The following PCDH7 variants were observed in gnomAD, a reference collection of about 807,000 sequenced individuals.
PCDH7 encodes protocadherin 7.
In PCDH7, 17 loss-of-function variants were observed where a neutral mutation model predicts 58.9. The observed-to-expected ratio is 0.29, with a 90% confidence interval of 0.20 to 0.43. The LOEUF is 0.43. Among genes scored for constraint, PCDH7 ranks in the 20% least tolerant of loss-of-function variants. PCDH7 has a pLI of 1.00. For missense variants in PCDH7, 1,274 were observed against 1,441.0 expected (o/e 0.88, Z 1.88); for synonymous variants, 664 against 616.4 (o/e 1.08, Z -1.14).
At chr4:31,096,523 G>T (rs982917433) in intron 3 of PCDH7, among the ~76,000 whole-genome samples, 1 of 152,142 alleles carries the variant, frequency 6.6e-6, no homozygotes, top group African/African-American at 2.4e-5. Flanking sequence ...TCTTTTTGTA[G>T]CATGTAATCA....
Position 30,979,162 on chromosome 4 carries a change from G to A in PCDH7, c.*7+28947G>A, listed in dbSNP as rs752945599. Among the ~76,000 whole-genome samples, 8 of 151,158 alleles carry A rather than the reference G, an allele frequency of 5.3e-5. 1 individual carries two copies. The highest frequency in any genetic ancestry group is 1.0e-4 in the Non-Finnish European group (7 of 67,746). ...TAACACAGTGAAACCCTGTCTCTAC[G>A]AAAAATATAAAAAATCAGCTGGGCG... On this transcript the variant is annotated intron_variant, in intron 3 of 3. Transcript: ENST00000509759.
intron 1 of PCDH7, among the ~76,000 whole-genome samples, chr4:30,866,713 G>C (rs1280108729): frequency 2.1e-5 from 3 of 145,610 alleles, no homozygotes; most frequent in African/African-American, 7.7e-5. Flanking sequence ...AAAAAAAAAA[G>C]TATTGTCCTT....
At chr4:30,903,170 A>G (rs1226267346) in intron 1 of PCDH7, among the ~76,000 whole-genome samples, 1 of 152,118 alleles carries the variant, frequency 6.6e-6, no homozygotes, top group Non-Finnish European at 1.5e-5. Context: ...AATATTATTT[A>G]GTGAATTTAT....
At chr4:30,894,596 CA>C (rs1739154918) in intron 1 of PCDH7, among the ~76,000 whole-genome samples, 1 of 124,144 alleles carries the variant, frequency 8.1e-6, no homozygotes, top group Non-Finnish European at 1.7e-5. Context: ...CACACACACA[CA>C]TATATATATA....
chr4:30,955,606 T>C (rs1432765554), intron 3 of PCDH7, among the ~76,000 whole-genome samples: 1 of 151,854 alleles, frequency 6.6e-6, no homozygotes, highest in Non-Finnish European at 1.5e-5. Flanking sequence ...CAGTGAGCAG[T>C]GGCGCAATCT....
At chr4:31,018,501 C>A (rs1753787251) in intron 3 of PCDH7, among the ~76,000 whole-genome samples, 1 of 152,170 alleles carries the variant, frequency 6.6e-6, no homozygotes, top group African/African-American at 2.4e-5. Context: ...TGATATCTAG[C>A]TTTCTCTTTC....
At chr4:30,830,200 T>C (rs1233428783) in intron 1 of PCDH7, among the ~76,000 whole-genome samples, 1 of 151,188 alleles carries the variant, frequency 6.6e-6, no homozygotes, top group Non-Finnish European at 1.5e-5. Context: ...TGTATACTTA[T>C]ATCATAATTG....
At chr4:30,929,864 A>G (rs529667960) in intron 2 of PCDH7, among the ~76,000 whole-genome samples, 2 of 152,294 alleles carry the variant, frequency 1.3e-5, no homozygotes, top group Admixed American at 1.3e-4. Context: ...ATGAGGCCAC[A>G]TTTCACCAAG....
At chr4:31,065,568 TA>T (rs937993236) in intron 3 of PCDH7, among the ~76,000 whole-genome samples, 16 of 152,040 alleles carry the variant, frequency 1.1e-4, no homozygotes, top group African/African-American at 3.9e-4. Context: ...GTTAGAACTT[TA>T]AAAAAATAAG....
intron 1 of PCDH7, among the ~76,000 whole-genome samples, chr4:30,879,246 T>C (rs1421261763): frequency 6.6e-6 from 1 of 152,020 alleles, no homozygotes; most frequent in Non-Finnish European, 1.5e-5. Context: ...CTCTCTTTCC[T>C]TTCTTCTCTA....
chr4:31,130,270 A>G (rs1470875232), intron 3 of PCDH7, among the ~76,000 whole-genome samples: 2 of 152,190 alleles, frequency 1.3e-5, no homozygotes, highest in Non-Finnish European at 2.9e-5. Flanking sequence ...ACTTTACTGA[A>G]CAAAAATAAT....
At chr4:31,116,601 A>T (rs1717014356) in intron 3 of PCDH7, among the ~76,000 whole-genome samples, 1 of 152,190 alleles carries the variant, frequency 6.6e-6, no homozygotes, top group Non-Finnish European at 1.5e-5. Flanking sequence ...TATCCTTGGA[A>T]AAAAATCTTA....
intron 2 of PCDH7, among the ~76,000 whole-genome samples, chr4:30,940,188 C>T (rs1015722754): frequency 6.6e-6 from 1 of 151,560 alleles, no homozygotes; most frequent in African/African-American, 2.4e-5. Context: ...CTTTGTCTTC[C>T]AAGAATTAGG....
At chr4:30,802,561 A>C (rs903281710) in intron 1 of PCDH7, among the ~76,000 whole-genome samples, 1 of 152,138 alleles carries the variant, frequency 6.6e-6, no homozygotes, top group Admixed American at 6.5e-5. Context: ...CAAAAGAATA[A>C]GGATTCTTTT....
chr4:31,025,909 C>G (rs1259959203), intron 3 of PCDH7, among the ~76,000 whole-genome samples: 1 of 152,168 alleles, frequency 6.6e-6, no homozygotes, highest in Non-Finnish European at 1.5e-5. Flanking sequence ...GTTTCCAGGA[C>G]ATACAGACTA....
chr4:30,997,639 A>T (rs949890042), intron 3 of PCDH7, among the ~76,000 whole-genome samples: 2 of 152,154 alleles, frequency 1.3e-5, no homozygotes, highest in African/African-American at 4.8e-5. Context: ...TGTCTCAGAG[A>T]CACATGCCTA....
intron 3 of PCDH7, among the ~76,000 whole-genome samples, chr4:30,988,107 T>G (rs996984391): frequency 3.9e-5 from 6 of 152,134 alleles, no homozygotes; most frequent in Admixed American, 1.3e-4. Context: ...TTTGTAAAAA[T>G]TGTGTGTTTT....
chr4:30,994,677 A>T (rs1195885807), intron 3 of PCDH7, among the ~76,000 whole-genome samples: 1 of 152,180 alleles, frequency 6.6e-6, no homozygotes, highest in Non-Finnish European at 1.5e-5. Flanking sequence ...TCAGGTTTAG[A>T]CTATTTATTC....
At chr4:30,897,193 C>T (rs1442257723) in intron 1 of PCDH7, among the ~76,000 whole-genome samples, 1 of 152,006 alleles carries the variant, frequency 6.6e-6, no homozygotes, top group African/African-American at 2.4e-5. Context: ...CGTGAGCCAC[C>T]GCGCCCGGCC....
Sources: allele counts gnomAD v4.1 joint callset (sites outside exome capture counted in the v4.1 genomes callset), GRCh38; gene constraint gnomAD v4.1.1; transcripts MANE v1.5; gene names NCBI Gene and HGNC (gene_info 2026-07-23, HGNC 2026-07-21).